The following MGLL variants were observed in gnomAD, a reference collection of about 807,000 sequenced individuals.
MGLL encodes monoglyceride lipase.
In MGLL, 7 loss-of-function variants were observed where a neutral mutation model predicts 29.1. The observed-to-expected ratio is 0.24, with a 90% CI of 0.14 to 0.45. The LOEUF is 0.45. MGLL is among the 20% of genes least tolerant of loss of function. The probability of loss-of-function intolerance (pLI) is 0.99; values close to 1 mark genes in which losing one functional copy is unlikely to be tolerated. For synonymous variants in MGLL, 148 were observed against 168.3 expected, an observed-to-expected ratio of 0.88 and a Z score of 0.93; for missense variants, 356 against 413.6, an observed-to-expected ratio of 0.86 and a Z score of 1.21.
intron 2 of MGLL, among the ~76,000 whole-genome samples, chr3:127,795,073 T>A (rs1258753055): frequency 6.6e-6 from 1 of 152,146 alleles, no homozygotes; most frequent in Admixed American, 6.5e-5. Flanking sequence ...ACACCTCCAC[T>A]CGTATGTTCA....
At chr3:127,713,661 T>A (rs1303775213) in intron 5 of MGLL, 4 of 152,264 alleles carry the variant, frequency 2.6e-5, no homozygotes, top group African/African-American at 7.2e-5. Flanking sequence ...GTGCCACCAT[T>A]TGTGTTTTGG....
chr3:127,814,334 A>C (rs901642321), intron 2 of MGLL, among the ~76,000 whole-genome samples: 2 of 151,714 alleles, frequency 1.3e-5, no homozygotes, highest in African/African-American at 4.8e-5. Context: ...CAGCATCCCC[A>C]CCCCCATCCC....
At chr3:127,756,646 A>G (rs1019330172) in intron 3 of MGLL, among the ~76,000 whole-genome samples, 3 of 152,196 alleles carry the variant, frequency 2.0e-5, no homozygotes, top group Non-Finnish European at 4.4e-5. Context: ...CTGAATCACA[A>G]TACAACCTAC....
intron 2 of MGLL, among the ~76,000 whole-genome samples, chr3:127,817,524 C>T (rs2077778736): frequency 6.6e-6 from 1 of 151,736 alleles, no homozygotes; most frequent in Admixed American, 6.6e-5. Context: ...CTACTCAGCA[C>T]CTCCTTCATG....
At chr3:127,790,764 G>A (rs1265145677) in intron 2 of MGLL, among the ~76,000 whole-genome samples, 2 of 152,002 alleles carry the variant, frequency 1.3e-5, no homozygotes, top group Non-Finnish European at 2.9e-5. Flanking sequence ...GCAGCCTCTT[G>A]CCTCCCCCAC....
intron 3 of MGLL, chr3:127,735,556 A>C: frequency 1.2e-6 from 1 of 831,394 alleles, no homozygotes; most frequent in Non-Finnish European, 1.9e-6. Context: ...GCAAATATAC[A>C]TATTTTTAGA....
intron 3 of MGLL, among the ~76,000 whole-genome samples, chr3:127,726,190 A>AAAG (rs1553758469): frequency 0.038 from 2,797 of 73,914 alleles, 81 homozygotes; most frequent in East Asian, 0.05. Context: ...GAAAGAAAAG[A>AAAG]AAAGAAAGAA....
At chr3:127,700,953 G>C (rs2075467984) in intron 6 of MGLL, among the ~76,000 whole-genome samples, 1 of 152,092 alleles carries the variant, frequency 6.6e-6, no homozygotes, top group African/African-American at 2.4e-5. Context: ...GGTGGTGCAT[G>C]CCTGTAATCC....
intron 5 of MGLL, among the ~76,000 whole-genome samples, chr3:127,719,185 G>T (rs1042991974): frequency 2.6e-5 from 4 of 152,244 alleles, no homozygotes; most frequent in African/African-American, 9.6e-5. Flanking sequence ...CCCTCCCCTG[G>T]TCGGTATAGA....
At chr3:127,726,194 G>GAAAGAAAGAAAGAAAGA (rs1559926436) in intron 3 of MGLL, among the ~76,000 whole-genome samples, 2 of 75,086 alleles carry the variant, frequency 2.7e-5, no homozygotes. Context: ...GAAAAGAAAA[G>GAAAGAAAGAAAGAAAGA]AAAGAAAGAA....
At chr3:127,728,059 C>G (rs2076079819) in intron 3 of MGLL, among the ~76,000 whole-genome samples, 1 of 152,164 alleles carries the variant, frequency 6.6e-6, no homozygotes, top group Non-Finnish European at 1.5e-5. Context: ...GCATTAACTT[C>G]AAATTAAATT....
At chr3:127,776,000 C>T (rs951087247) in intron 3 of MGLL, among the ~76,000 whole-genome samples, 3 of 152,198 alleles carry the variant, frequency 2.0e-5, no homozygotes, top group Non-Finnish European at 2.9e-5. Flanking sequence ...ACCAAGAGAA[C>T]GCCAGCCCCG....
intron 3 of MGLL, among the ~76,000 whole-genome samples, chr3:127,723,593 G>A (rs1407428144): frequency 6.6e-6 from 1 of 151,964 alleles, no homozygotes; most frequent in African/African-American, 2.4e-5. Context: ...GTGGGCCCGG[G>A]AGTCCCACTA....
At chr3:127,814,855 G>A (rs2077727561) in intron 2 of MGLL, among the ~76,000 whole-genome samples, 1 of 152,220 alleles carries the variant, frequency 6.6e-6, no homozygotes, top group African/African-American at 2.4e-5. Flanking sequence ...AAAGGCAGAA[G>A]CATCAGAAGG....
In MGLL at chr3:127,821,794, G is replaced by A. The variant is rs755974949; in HGVS notation, c.55C>T (p.Arg19Trp). Residue 19 changes from arginine (R) to tryptophan (W), a missense_variant, in exon 2 of 8, where the codon CGG becomes TGG. By Grantham distance (101) the Arg-to-Trp change is moderately radical. Coordinates refer to ENST00000265052, the MANE Select transcript of MGLL (RefSeq NM_007283.7). The stretch of plus-strand genomic sequence containing the variant: ...TGGTAGGGAATGCTCTGCGGGGTCC[G>A]CCTGGGGGAACTTTCCTCTGGCATG... ...SSMPEESSPR[R>W]TPQSIPYQDL... 1.9e-6 allele frequency: 3 copies of A among 1,614,138 alleles called. No homozygotes were observed. Among genetic ancestry groups the A allele is most frequent in the South Asian group, 1.1e-5 (1 of 91,076 alleles).
At chr3:127,737,386 C>G (rs149121626) in intron 3 of MGLL, among the ~76,000 whole-genome samples, 22 of 151,366 alleles carry the variant, frequency 1.5e-4, no homozygotes, top group Non-Finnish European at 5.9e-5. Context: ...GGGGCACTCA[C>G]AAGCCCACGT....
At chr3:127,781,473 A>T (rs1380119548) in intron 3 of MGLL, among the ~76,000 whole-genome samples, 1 of 152,190 alleles carries the variant, frequency 6.6e-6, no homozygotes. Context: ...TTGGAGAAAA[A>T]CCAGGGCCCA....
intron 3 of MGLL, among the ~76,000 whole-genome samples, chr3:127,724,018 G>T (rs940078231): frequency 1.3e-5 from 2 of 152,204 alleles, no homozygotes; most frequent in African/African-American, 2.4e-5. Context: ...AAGATGCAGG[G>T]AGATGGCAGC....
Position 127,822,341 on chromosome 3 carries a change from A to G in MGLL, c.-23T>C. 6.2e-7 allele frequency: 1 copy of G among 1,613,622 alleles called. No homozygotes were observed. The highest frequency in any genetic ancestry group is 8.5e-7 in the Non-Finnish European group (1 of 1,179,538). On this transcript the variant is annotated 5_prime_UTR_variant, in exon 1 of 8. Transcript: ENST00000265052. ...CATTATGTGCTGGCGTTTGCATTCCACAACCACGACAGCCTGGAGAATCAG... is the reference window on the plus strand; with the variant it reads ...CATTATGTGCTGGCGTTTGCATTCCGCAACCACGACAGCCTGGAGAATCAG...
Sources: allele counts gnomAD v4.1 joint callset (sites outside exome capture counted in the v4.1 genomes callset), GRCh38; gene constraint gnomAD v4.1.1; transcripts MANE v1.5; gene names NCBI Gene and HGNC (gene_info 2026-07-23, HGNC 2026-07-21).